COL4A5: variants seen among roughly 807,000 people sequenced by gnomAD.
COL4A5 encodes collagen type IV alpha 5 chain, also known as collagen alpha-5(IV) chain.
In COL4A5, 26 loss-of-function variants were observed where a neutral mutation model predicts 130.2. The observed-to-expected ratio is 0.20, with a 90% CI of 0.15 to 0.28. The LOEUF (loss-of-function observed/expected upper bound fraction) is 0.28, where lower values mean the gene tolerates loss of function less well. Among genes scored for constraint, COL4A5 ranks in the 10% least tolerant of loss-of-function variants. The pLI is 1.00. For missense variants in COL4A5, 1,131 were observed against 1,344.3 expected, an observed-to-expected ratio of 0.84 and a Z score of 2.48; for synonymous variants, 496 against 439.6, an observed-to-expected ratio of 1.13 and a Z score of -1.60.
chrX:108,591,106 G>C lies in COL4A5; in HGVS notation c.1214G>C (p.Arg405Thr). The C allele has an allele frequency of 1.7e-6, 2 of 1,209,915 alleles. No individual in the cohort carries two copies. Among genetic ancestry groups the C allele is most frequent in the South Asian group, 1.8e-5 (1 of 56,927 alleles). The change falls in exon 20 of 53, where the codon AGG (arginine) becomes ACG (threonine). Residue 405 changes from arginine (R) to threonine (T), a missense_variant. Physicochemically the swap from Arg to Thr is moderately conservative, Grantham distance 71. Coordinates refer to ENST00000328300, the MANE Select transcript of COL4A5 (RefSeq NM_033380.3). ...GGCCCTCCTGGATTTCCTGGAGAAA[G>C]GGGTCAGAAAGGTGATGAAGGACCA... Reference protein sequence around the residue: ...PPGPPGFPGERGQKGDEGPPG... With the variant: ...PPGPPGFPGETGQKGDEGPPG...
chrX:108,663,657 T>G (rs1323416746), intron 37 of COL4A5, among the ~76,000 whole-genome samples: 1 of 109,481 alleles, frequency 9.1e-6, no homozygotes, highest in Non-Finnish European at 1.9e-5. Context: ...TAGGTGATGG[T>G]TTGATAGGTA....
At chrX:108,670,335 T>C in intron 42 of COL4A5, 99 bp downstream of exon 42, 1 of 1,168,619 alleles carries the variant, frequency 8.6e-7, no homozygotes, top group Non-Finnish European at 1.1e-6. Context: ...TAAGAGCATA[T>C]GTGCCAATTC....
intron 30 of COL4A5, among the ~76,000 whole-genome samples, chrX:108,618,257 TGGGA>T (rs1183799134): frequency 9.0e-6 from 1 of 111,055 alleles, no homozygotes; most frequent in Non-Finnish European, 1.9e-5. Flanking sequence ...ATCTATGCTA[TGGGA>T]GGAAGTATAG....
intron 1 of COL4A5, among the ~76,000 whole-genome samples, chrX:108,455,023 C>T (rs956819520): frequency 8.9e-6 from 1 of 112,127 alleles, no homozygotes; most frequent in Non-Finnish European, 1.9e-5. Flanking sequence ...GCGAAACCAT[C>T]ACAACATTCA....
chrX:108,674,645 A>T, intron 42 of COL4A5, 100 bp from the exon 43 acceptor site: 2 of 832,199 alleles, frequency 2.4e-6, no homozygotes, highest in African/African-American at 2.0e-5. Context: ...CTTGTACTAT[A>T]ATGTGAACCA....
Position 108,580,530 on chromosome X carries a change from T to C in COL4A5, c.781-3T>C. 8.3e-7 allele frequency: 1 copy of C among 1,204,229 alleles called. No homozygotes were observed. The highest frequency in any genetic ancestry group is 1.1e-6 in the Non-Finnish European group (1 of 889,211). ...TGATTTCCTTTCCCCTACTACTGCA[T>C]AGGGACTTCCTGGTGACCGAGGGCC... On this transcript the variant is annotated splice_region_variant and splice_polypyrimidine_tract_variant and intron_variant, in intron 13 of 52. Transcript: ENST00000328300.
intron 36 of COL4A5, chrX:108,627,481 C>A (rs1157620886): frequency 1.3e-6 from 1 of 743,710 alleles, no homozygotes; most frequent in Non-Finnish European, 1.6e-6. Context: ...ATCACTTACC[C>A]CTTTTTATTT....
chrX:108,587,734 C>A (rs2066360395), intron 19 of COL4A5, among the ~76,000 whole-genome samples: 1 of 111,427 alleles, frequency 9.0e-6, no homozygotes, highest in Non-Finnish European at 1.9e-5. Context: ...TACATTCCCA[C>A]CAACAGTGTG....
chrX:108,648,229 C>G (rs2067648989), intron 36 of COL4A5, among the ~76,000 whole-genome samples: 1 of 110,207 alleles, frequency 9.1e-6, no homozygotes, highest in Admixed American at 9.8e-5. Context: ...CTGAACAGAC[C>G]AACAACAAGC....
chrX:108,511,874 T>C (rs2065182667), intron 1 of COL4A5, among the ~76,000 whole-genome samples: 2 of 111,772 alleles, frequency 1.8e-5, no homozygotes, highest in Non-Finnish European at 1.9e-5. Context: ...AGATTGGTGG[T>C]TGCCTAGGAC....
At chrX:108,663,341 G>T (rs2068002418) in intron 37 of COL4A5, among the ~76,000 whole-genome samples, 1 of 111,529 alleles carries the variant, frequency 9.0e-6, no homozygotes, top group African/African-American at 3.3e-5. Context: ...TATTTGCATG[G>T]TATATTCACT....
chrX:108,695,800 C>A (rs182134006), intron 52 of COL4A5: 113 of 254,201 alleles, frequency 4.4e-4, no homozygotes, highest in Non-Finnish European at 6.6e-4. Context: ...TCTCCTTTCC[C>A]AGGATATTTT....
chrX:108,450,838 T>G (rs1172458545), intron 1 of COL4A5, among the ~76,000 whole-genome samples: 1 of 110,671 alleles, frequency 9.0e-6, no homozygotes, highest in Non-Finnish European at 1.9e-5. Flanking sequence ...TTTTTATTTT[T>G]ATTTTTTATT....
chrX:108,668,558 T>C (rs2068134701), intron 41 of COL4A5, 54 bp downstream of exon 41: 1 of 987,492 alleles, frequency 1.0e-6, no homozygotes, highest in South Asian at 3.2e-5. Context: ...TGTATTTCGT[T>C]TTGCTGGCAG....
intron 31 of COL4A5, 117 bp downstream of exon 31, chrX:108,620,543 A>G: frequency 1.7e-6 from 1 of 596,132 alleles, no homozygotes; most frequent in Non-Finnish European, 2.7e-6. Flanking sequence ...AAGGATGAGC[A>G]TTAAATATCT....
chrX:108,449,132 G>A (rs1299769679), intron 1 of COL4A5, among the ~76,000 whole-genome samples: 3 of 111,813 alleles, frequency 2.7e-5, no homozygotes, highest in African/African-American at 9.8e-5. Context: ...GGACATAAAC[G>A]TAGAGTTAGT....
At chrX:108,667,084 T>C (rs377755465) in intron 39 of COL4A5, 49 bp from the exon 40 acceptor site, 2 of 1,161,820 alleles carry the variant, frequency 1.7e-6, no homozygotes, top group African/African-American at 3.6e-5. Context: ...TGTTTCAGTT[T>C]GTATTATCCA....
At chrX:108,683,272 C>T (rs987111243) in intron 47 of COL4A5, among the ~76,000 whole-genome samples, 1 of 111,583 alleles carries the variant, frequency 9.0e-6, no homozygotes, top group South Asian at 3.7e-4. Context: ...GGTACCAGTA[C>T]CATGCTGTTT....
chrX:108,682,330 T>C (rs1001345857), intron 47 of COL4A5, among the ~76,000 whole-genome samples: 2 of 112,146 alleles, frequency 1.8e-5, no homozygotes, highest in Non-Finnish European at 3.8e-5. Context: ...GTCTTTGCTA[T>C]TGTGAACAGT....
Sources: gnomAD v4.1 joint callset for allele counts (sites outside exome capture counted in the v4.1 genomes callset) on GRCh38, gnomAD v4.1.1 for gene constraint, MANE v1.5 for transcripts, NCBI Gene and HGNC (gene_info 2026-07-23, HGNC 2026-07-21) for gene names.